FMNL3: variants seen among roughly 807,000 people sequenced by gnomAD.
FMNL3 encodes the protein formin-like protein 3.
Under a neutral mutation model 119.6 loss-of-function variants are expected in FMNL3, and 57 were observed. The ratio of observed to expected loss-of-function variants is 0.48; its 90% CI spans 0.39 to 0.59. The LOEUF (loss-of-function observed/expected upper bound fraction) is 0.59. FMNL3 is among the 20% of genes least tolerant of loss of function. The probability of loss-of-function intolerance (pLI) is 0.00; values close to 1 mark genes in which losing one functional copy is unlikely to be tolerated. For missense variants in FMNL3, 1,053 were observed against 1,323.5 expected (o/e 0.80, Z 3.17); for synonymous variants, 491 against 507.3 (o/e 0.97, Z 0.43).
rs774893245 is a variant in FMNL3, at chr12:49,647,654, A to C, written c.2778+49T>G. ...CTTTAAGCCCAGGCTTCTCTCCCCC[A>C]GCCAGTTTTCTCGCAACCAAACTTC... On this transcript the variant is annotated intron_variant, in intron 23 of 25. Coordinates refer to ENST00000335154, the MANE Select transcript of FMNL3 (RefSeq NM_175736.5). This position sits in a 1 kb window ranked among gnomAD's most constrained non-coding sequence, Gnocchi z 4.9. 5 of 1,534,204 alleles carry C rather than the reference A, an allele frequency of 3.3e-6. 1 individual carries two copies. The Middle Eastern group carries it at 8.5e-4, about 259-fold the overall frequency.
intron 1 of FMNL3, among the ~76,000 whole-genome samples, chr12:49,689,269 T>G (rs1441023622): frequency 6.6e-6 from 1 of 152,228 alleles, no homozygotes; most frequent in African/African-American, 2.4e-5. Flanking sequence ...CAGTTTCACT[T>G]AAATCAAATT....
intron 1 of FMNL3, among the ~76,000 whole-genome samples, chr12:49,677,000 A>G (rs1465704925): frequency 6.6e-6 from 1 of 152,188 alleles, no homozygotes; most frequent in African/African-American, 2.4e-5. Context: ...AGCAATAAAG[A>G]TTGGGCAAAT....
intron 5 of FMNL3, among the ~76,000 whole-genome samples, chr12:49,658,849 G>A (rs1943653751): frequency 6.6e-6 from 1 of 152,174 alleles, no homozygotes; most frequent in Admixed American, 6.5e-5. Context: ...AGCTGATGGA[G>A]GCCAACTCCT....
In FMNL3 at chr12:49,656,434, G is replaced by A; in HGVS notation, c.855C>T (p.Ile285=). 6.2e-7 allele frequency: 1 copy of A among 1,614,116 alleles called. No individual in the cohort carries two copies. The highest frequency in any genetic ancestry group is 1.1e-5 in the South Asian group (1 of 91,064). Reference sequence around the variant, plus strand: ...TGAAATTGTCAAAGGCAGCAAGGATGATTTCGTGACCTCCTCGCACCAAAC... The same window carrying A: ...TGAAATTGTCAAAGGCAGCAAGGATAATTTCGTGACCTCCTCGCACCAAAC... ...AVCLVRGGHE[I]ILAAFDNFKE... The change falls in exon 9 of 26, where the codon ATC becomes ATT. Residue 285 remains isoleucine, a synonymous_variant. Transcript: ENST00000335154.
intron 1 of FMNL3, among the ~76,000 whole-genome samples, chr12:49,700,264 C>T (rs1156420824): frequency 1.3e-5 from 2 of 151,354 alleles, no homozygotes; most frequent in South Asian, 2.1e-4. Context: ...TGGTGGCGGG[C>T]GCCTGTAGTC....
At position 49,707,035 on chromosome 12, in the gene FMNL3, G is replaced by A. The variant is rs761450450; in HGVS notation, c.126+20C>T. 2 of 1,565,348 alleles carry A rather than the reference G, an allele frequency of 1.3e-6. No homozygotes were observed. Among genetic ancestry groups the A allele is most frequent in the South Asian group, 2.3e-5 (2 of 85,324 alleles). ...CCTGAGGGGCGGTACGCGGGGGAAG[G>A]GGCTGGGCTCAGCTCTCACCAGCAC... is the stretch of plus-strand genomic sequence containing the variant. On this transcript the variant is annotated intron_variant, in intron 1 of 25. Transcript: ENST00000335154.
chr12:49,649,712 A>G lies in FMNL3; in HGVS notation c.2214T>C (p.Asp738=), dbSNP rs201615965. 23 of 1,614,126 alleles carry G rather than the reference A, an allele frequency of 1.4e-5. No homozygotes were observed. In the African/African-American group the frequency reaches 3.1e-4, roughly 22 times the overall value. ...GTACCGGTGTGAGCATCTGCAGGTT[A>G]TCCTGGAAGTTCCCCAGGAAGGCCA... The part of the protein sequence containing the change: ...AGMAFLGNFQ[D]NLQMLTPQLN... The change falls in exon 18 of 26, where the codon GAT becomes GAC. Residue 738 remains aspartate (D), a synonymous_variant. Coordinates refer to ENST00000335154, the MANE Select transcript of FMNL3 (RefSeq NM_175736.5). The surrounding 1 kb of genome is among the most constrained non-coding windows in gnomAD (Gnocchi z 5.6).
At chr12:49,670,268 C>G (rs1004206579) in intron 1 of FMNL3, among the ~76,000 whole-genome samples, 3 of 152,196 alleles carry the variant, frequency 2.0e-5, no homozygotes, top group African/African-American at 7.2e-5. Flanking sequence ...CTCTAACTTT[C>G]GATGGAACCA....
rs751886772 is a variant in FMNL3, at chr12:49,654,943, A to G, written c.927T>C (p.Tyr309=). The change falls in exon 10 of 26, where the codon TAT becomes TAC. Residue 309 remains tyrosine, a synonymous_variant. Transcript: ENST00000335154. Reference sequence around the variant, plus strand: ...CAATATTGCTGTCCTCATTCCGGAAATACTCCATCAGCTTCTCAAAGCGGT... The same window carrying G: ...CAATATTGCTGTCCTCATTCCGGAAGTACTCCATCAGCTTCTCAAAGCGGT... ...ELHRFEKLME[Y]FRNEDSNIDF... 1 of 1,614,130 alleles carries G rather than the reference A, an allele frequency of 6.2e-7. No individual in the cohort carries two copies. The highest frequency in any genetic ancestry group is 1.1e-5 in the South Asian group (1 of 91,080).
intron 22 of FMNL3, 54 bp downstream of exon 22, chr12:49,648,139 A>T: frequency 1.3e-6 from 2 of 1,542,774 alleles, no homozygotes; most frequent in Non-Finnish European, 1.7e-6. Flanking sequence ...GGCCACCTAG[A>T]GGGGCCTGGT....
chr12:49,655,171 C>T (rs1279440309), intron 9 of FMNL3, among the ~76,000 whole-genome samples, 187 bp from the exon 10 acceptor site: 1 of 152,170 alleles, frequency 6.6e-6, no homozygotes, highest in African/African-American at 2.4e-5. Flanking sequence ...GTGGCTCACA[C>T]CTATAATCCC....
Position 49,647,388 on chromosome 12 carries a change from G to T in FMNL3, c.2779-20C>A, listed in dbSNP as rs751443908. ...TGCTTCCTAAGAGCCATGGAAGATGGGGGGTGGGGAGTGAGGCTCATAGGC... is the reference window on the plus strand; with the variant it reads ...TGCTTCCTAAGAGCCATGGAAGATGTGGGGTGGGGAGTGAGGCTCATAGGC... On this transcript the variant is annotated intron_variant, in intron 23 of 25. Transcript: ENST00000335154. This position sits in a 1 kb window ranked among gnomAD's most constrained non-coding sequence, Gnocchi z 4.9. The T allele has an allele frequency of 2.1e-5, 33 of 1,608,492 alleles. 1 individual carries two copies. The highest frequency in any genetic ancestry group is 4.0e-5 in the African/African-American group (3 of 74,886).
At chr12:49,686,578 C>CAAA (rs746062262) in intron 1 of FMNL3, among the ~76,000 whole-genome samples, 5 of 61,880 alleles carry the variant, frequency 8.1e-5, no homozygotes, top group African/African-American at 2.0e-4. Context: ...ACTTCATCTC[C>CAAA]AAAAAAAAAA....
chr12:49,692,223 C>T (rs993430966), intron 1 of FMNL3, among the ~76,000 whole-genome samples: 1 of 151,572 alleles, frequency 6.6e-6, no homozygotes, highest in Admixed American at 6.6e-5. Flanking sequence ...CATGGTGGTG[C>T]ACGCCTGTAG....
At chr12:49,689,192 G>C (rs1175606797) in intron 1 of FMNL3, among the ~76,000 whole-genome samples, 1 of 152,212 alleles carries the variant, frequency 6.6e-6, no homozygotes, top group African/African-American at 2.4e-5. Context: ...TTGCTGACTA[G>C]AAATGGAAGC....
In FMNL3 at chr12:49,654,453, GTATTT is replaced by G. The variant is rs371660151; in HGVS notation, c.961-156_961-152del. 1,145 of 599,070 alleles carry G rather than the reference GTATTT, an allele frequency of 1.9e-3. 5 individuals are homozygous for G. Among genetic ancestry groups the G allele is most frequent in the African/African-American group, 0.019 (1,021 of 54,084 alleles). 37.1% of individuals were successfully genotyped at this position (599,070 alleles called of 1,614,324 possible). On this transcript the variant is annotated intron_variant, in intron 10 of 25. Coordinates refer to ENST00000335154, the MANE Select transcript of FMNL3 (RefSeq NM_175736.5). ...TTAAGTCTTTATGGGGGCAATAAGA[GTATTT>G]TAATTTTAAAAATGTCATTTAATAT...
rs1565861789 is a variant in FMNL3 at position 49,645,871 on chromosome 12, G to C, written c.3028C>G (p.Gln1010Glu). The C allele has an allele frequency of 6.2e-7, 1 of 1,612,006 alleles. No individual in the cohort carries two copies. The highest frequency in any genetic ancestry group is 8.5e-7 in the Non-Finnish European group (1 of 1,179,114). Reference sequence around the variant, plus strand: ...CTGGGCGGTGCAGCACTCCTGGCTTGGTGGCGAACAACCATAGGCTGGCAG... The same window carrying C: ...CTGGGCGGTGCAGCACTCCTGGCTTCGTGGCGAACAACCATAGGCTGGCAG... ...LHCQPMVVRH[Q>E]ARSAAPPSGP... is the part of the protein sequence containing the mutation. The change falls in exon 26 of 26, where the codon CAA (glutamine) becomes GAA (glutamate). Residue 1010 changes from glutamine to glutamate, a missense_variant. Coordinates refer to ENST00000335154, the MANE Select transcript of FMNL3 (RefSeq NM_175736.5).
At chr12:49,667,529 A>C (rs1943925087) in intron 2 of FMNL3, among the ~76,000 whole-genome samples, 1 of 152,218 alleles carries the variant, frequency 6.6e-6, no homozygotes, top group Non-Finnish European at 1.5e-5. Flanking sequence ...CAGTTAACAC[A>C]GACTTGGCAT....
chr12:49,688,555 T>A, intron 1 of FMNL3: 1 of 455,814 alleles, frequency 2.2e-6, no homozygotes, highest in Non-Finnish European at 4.4e-6. Context: ...TTGCAAAAGT[T>A]GTTCTCTTCC....
Sources: allele counts gnomAD v4.1 joint callset (sites outside exome capture counted in the v4.1 genomes callset), GRCh38; gene constraint gnomAD v4.1.1; non-coding constraint Gnocchi (gnomAD v3.1); transcripts MANE v1.5; gene names NCBI Gene and HGNC (gene_info 2026-07-23, HGNC 2026-07-21).